Variants in NIPSNAP2 observed in about 807,000 individuals in gnomAD.
The protein encoded by NIPSNAP2 is protein NipSnap homolog 2.
In NIPSNAP2, 42 loss-of-function variants were observed where a neutral mutation model predicts 48.4. That is an observed-to-expected ratio of 0.87 (90% CI 0.68 to 1.12). NIPSNAP2 has a LOEUF of 1.12. NIPSNAP2 is among the 50% of genes most tolerant of loss of function. NIPSNAP2 has a pLI of 0.00. For missense variants in NIPSNAP2, 314 were observed against 347.3 expected (o/e 0.90, Z 0.76); for synonymous variants, 158 against 126.6 (o/e 1.25, Z -1.67).
At chr7:55,987,194 G>T (rs1478356017) in intron 7 of NIPSNAP2, among the ~76,000 whole-genome samples, 1 of 151,990 alleles carries the variant, frequency 6.6e-6, no homozygotes, top group Non-Finnish European at 1.5e-5. Flanking sequence ...GTGTGATTCA[G>T]CAGTCCCACT....
intron 1 of NIPSNAP2, 80 bp downstream of exon 1, chr7:55,964,781 C>A: frequency 1.4e-6 from 1 of 705,858 alleles, no homozygotes; most frequent in South Asian, 6.7e-5. Context: ...CGGCGCCGGT[C>A]TCCGCCCCGG....
In NIPSNAP2 at chr7:55,994,966, G is replaced by C. The variant is rs747396602; in HGVS notation, c.690G>C (p.Leu230=). ...GATTCTTCTCTCAGATTGGGCAGCT[G>C]TACATGGTGCACCATCTTTGGGGTA... ...VGGFFSQIGQ[L]YMVHHLWAYR... Residue 230 remains leucine (L), a synonymous_variant, in exon 8 of 10, where the codon CTG becomes CTC. Transcript: ENST00000322090. 2 of 1,614,070 alleles carry C rather than the reference G, an allele frequency of 1.2e-6. No individual in the cohort carries two copies. The highest frequency in any genetic ancestry group is 1.7e-6 in the Non-Finnish European group (2 of 1,179,914).
In NIPSNAP2 at chr7:55,982,250, A is replaced by G. The variant is rs143364643; in HGVS notation, c.414A>G (p.Thr138=). The G allele has an allele frequency of 2.7e-4, 442 of 1,609,198 alleles. 1 individual carries two copies. In the African/African-American group the frequency reaches 4.7e-3, roughly 17 times the overall value. Residue 138 remains threonine (T), a synonymous_variant, in exon 5 of 10, where the codon ACA becomes ACG. Transcript: ENST00000322090. ...WRYEGGYPAL[T]EVMNKLRENK... is the part of the protein sequence containing the mutation. ...ATGAAGGAGGCTATCCAGCCCTCAC[A>G]GAAGTCATGAATAAACTCAGAGAAA... is the stretch of plus-strand genomic sequence containing the variant.
chr7:55,979,690 T>C, intron 3 of NIPSNAP2: 1 of 445,026 alleles, frequency 2.2e-6, no homozygotes, highest in South Asian at 1.6e-5. Context: ...CCCCAAAGTT[T>C]GTCAGATTGA....
chr7:55,998,887 T>C (rs942409666), intron 9 of NIPSNAP2, 121 bp from the exon 10 acceptor site: 5 of 837,560 alleles, frequency 6.0e-6, no homozygotes, highest in Non-Finnish European at 8.2e-6. Flanking sequence ...CTGTATATTA[T>C]GATATTCTCT....
chr7:55,981,801 G>T, intron 4 of NIPSNAP2: 2 of 436,684 alleles, frequency 4.6e-6, no homozygotes, highest in Non-Finnish European at 4.1e-6. Context: ...AAAACATGGG[G>T]CATTACAGTT....
At chr7:55,979,686 A>G in intron 3 of NIPSNAP2, 1 of 441,912 alleles carries the variant, frequency 2.3e-6, no homozygotes, top group Non-Finnish European at 4.5e-6. Context: ...ATTACCCCAA[A>G]GTTTGTCAGA....
At chr7:55,988,168 AC>A (rs1756865565) in intron 7 of NIPSNAP2, among the ~76,000 whole-genome samples, 1 of 152,100 alleles carries the variant, frequency 6.6e-6, no homozygotes, top group African/African-American at 2.4e-5. Flanking sequence ...AGGCTGAGGC[AC>A]GAGAATCACT....
intron 7 of NIPSNAP2, among the ~76,000 whole-genome samples, chr7:55,988,452 A>C (rs62456654): frequency 0.18 from 27,282 of 152,050 alleles, 2,844 homozygotes; most frequent in Non-Finnish European, 0.23. Flanking sequence ...TGTAACTTAA[A>C]AGAGATAGAT....
rs1787387105 is a variant in NIPSNAP2, at chr7:55,988,871, A to G, written c.617+3993A>G. On this transcript the variant is annotated intron_variant, in intron 7 of 9. Transcript: ENST00000322090. ...CAGAGCAAGACTCCATCTCAAAAAAAAGAAAAAAAAAATTACATATGACCC... is the reference window on the plus strand; with the variant it reads ...CAGAGCAAGACTCCATCTCAAAAAAGAGAAAAAAAAAATTACATATGACCC... 2.0e-5 allele frequency among the ~76,000 whole-genome samples: 3 copies of G among 151,984 alleles called. No homozygotes were observed. In the South Asian group the frequency reaches 6.2e-4, roughly 32 times the overall value.
At chr7:55,998,763 T>C (rs1330686951) in intron 9 of NIPSNAP2, among the ~76,000 whole-genome samples, 3 of 152,120 alleles carry the variant, frequency 2.0e-5, no homozygotes, top group African/African-American at 7.2e-5. Flanking sequence ...CCTCCCAAAG[T>C]GCTGGGATTA....
At chr7:55,997,538 A>G (rs1295982817) in intron 9 of NIPSNAP2, 89 bp downstream of exon 9, 4 of 1,001,684 alleles carry the variant, frequency 4.0e-6, no homozygotes, top group Admixed American at 1.8e-5. Context: ...GGGTTTTGTA[A>G]TAGTATGTTG....
chr7:55,968,081 T>C (rs1786935960), intron 1 of NIPSNAP2, among the ~76,000 whole-genome samples: 1 of 152,170 alleles, frequency 6.6e-6, no homozygotes, highest in African/African-American at 2.4e-5. Context: ...TGAGCCATTG[T>C]GCCCAGCCAC....
At chr7:55,987,052 A>G (rs971492034) in intron 7 of NIPSNAP2, among the ~76,000 whole-genome samples, 10 of 150,406 alleles carry the variant, frequency 6.6e-5, no homozygotes, top group Admixed American at 6.0e-4. Flanking sequence ...AGTCTCAGCT[A>G]TTCAGGAGGC....
chr7:55,989,542 T>G (rs1328148051), intron 7 of NIPSNAP2, among the ~76,000 whole-genome samples: 1 of 151,960 alleles, frequency 6.6e-6, no homozygotes, highest in East Asian at 1.9e-4. Context: ...GGAAGATCAC[T>G]TGAGCCCTTG....
chr7:55,979,897 G>A (rs1024161244), intron 3 of NIPSNAP2: 10 of 455,830 alleles, frequency 2.2e-5, no homozygotes, highest in African/African-American at 1.6e-4. Flanking sequence ...GTAAGGCCAG[G>A]GCTCCTAAGA....
chr7:55,995,920 G>A (rs1195370185), intron 8 of NIPSNAP2, among the ~76,000 whole-genome samples: 1 of 152,164 alleles, frequency 6.6e-6, no homozygotes, highest in African/African-American at 2.4e-5. Flanking sequence ...TGAGGCTGCA[G>A]TGAGCTATGA....
intron 1 of NIPSNAP2, among the ~76,000 whole-genome samples, chr7:55,970,605 C>G (rs746349419): frequency 3.9e-5 from 6 of 152,112 alleles, no homozygotes; most frequent in Non-Finnish European, 8.8e-5. Context: ...AGGCACTGCG[C>G]TTGTCCGACA....
rs1274867338 is a variant in NIPSNAP2, at chr7:55,997,452, A to G, written c.796+3A>G. 1.2e-6 allele frequency: 2 copies of G among 1,603,908 alleles called. No homozygotes were observed. Among genetic ancestry groups the G allele is most frequent in the Admixed American group, 1.7e-5 (1 of 59,986 alleles). On this transcript the variant is annotated splice_donor_region_variant and intron_variant, in intron 9 of 9. Coordinates refer to ENST00000322090, the MANE Select transcript of NIPSNAP2 (RefSeq NM_001483.3). ...GGAGGAATTGGTATATTACACAGGT[A>G]ATCTCTTAACAGCCATGAAATATGC...
Sources: gnomAD v4.1 joint callset for allele counts (sites outside exome capture counted in the v4.1 genomes callset) on GRCh38, gnomAD v4.1.1 for gene constraint, MANE v1.5 for transcripts, NCBI Gene and HGNC (gene_info 2026-07-23, HGNC 2026-07-21) for gene names.